CCNI: variants seen among roughly 807,000 people sequenced by gnomAD.
CCNI encodes cyclin I.
Under a neutral mutation model 34.1 loss-of-function variants are expected in CCNI, and 14 were observed. The ratio of observed to expected loss-of-function variants is 0.41; its 90% CI spans 0.27 to 0.64. The LOEUF is 0.64. CCNI is among the 30% of genes least tolerant of loss of function. The pLI is 0.31. For missense variants in CCNI, 385 were observed against 440.5 expected (o/e 0.87, Z 1.13); for synonymous variants, 154 against 158.4 (o/e 0.97, Z 0.21).
rs1162592015 is a variant in CCNI at position 77,067,668 on chromosome 4, T to G, written c.-43-1263A>C. Among the ~76,000 whole-genome samples, 16 of 79,190 alleles carry G rather than the reference T, an allele frequency of 2.0e-4. No homozygotes were observed. In the South Asian group the frequency reaches 2.7e-3, roughly 13 times the overall value. The allele number at this position is 79,190 out of a possible 152,430, so 52.0% of individuals were successfully genotyped here. A position where few individuals can be genotyped will look rare whatever the true frequency, so the allele number is the denominator to read the frequency against. The stretch of plus-strand genomic sequence containing the variant: ...ACCAAGCCCAGGTAATTTTGTGGGG[T>G]TTTTTTTTTTTTTTGTAGAGATGCA... On this transcript the variant is annotated intron_variant, in intron 1 of 6. Transcript: ENST00000237654.
At position 77,048,303 on chromosome 4, in the gene CCNI, C is replaced by A; in HGVS notation, c.1050G>T (p.Val350=). Residue 350 remains valine (V), a synonymous_variant, in exon 7 of 7, where the codon GTG becomes GTT. Coordinates refer to ENST00000237654, the MANE Select transcript of CCNI (RefSeq NM_006835.3). ...ATAAATCAGTGCCACACACAGAACCCACATTTTCTGAGACATTATCTTCAT... is the reference window on the plus strand; with the variant it reads ...ATAAATCAGTGCCACACACAGAACCAACATTTTCTGAGACATTATCTTCAT... ...LYNEDNVSEN[V]GSVCGTDLSR... The A allele has an allele frequency of 2.5e-6, 4 of 1,614,052 alleles. No individual in the cohort carries two copies. The highest frequency in any genetic ancestry group is 3.4e-6 in the Non-Finnish European group (4 of 1,179,992).
chr4:77,075,686 G>C lies in CCNI; in HGVS notation c.-258C>G. On this transcript the variant is annotated 5_prime_UTR_variant, in exon 1 of 7. Coordinates refer to ENST00000237654, the MANE Select transcript of CCNI (RefSeq NM_006835.3). ...TGGCGCTCGAGCGGGACGCACGGCT[G>C]CGGCCGCTGGGTCGGTCAGCGAATT... The C allele has an allele frequency of 2.1e-6, 1 of 474,980 alleles. No homozygotes were observed. Among genetic ancestry groups the C allele is most frequent in the African/African-American group, 2.1e-5 (1 of 47,602 alleles). 29.4% of individuals were successfully genotyped at this position (474,980 alleles called of 1,614,324 possible).
rs1491186585 is a variant in CCNI at position 77,063,344 on chromosome 4, T to TTA, written c.114+2904_114+2905insTA. On this transcript the variant is annotated intron_variant, in intron 2 of 6. Coordinates refer to ENST00000237654, the MANE Select transcript of CCNI (RefSeq NM_006835.3). ...GTCAGAGCAACAGTGGAAAGGGAGG[T>TTA]AAAAAAAAAAAAAAAAAAAAAAAAA... 8.2e-3 allele frequency among the ~76,000 whole-genome samples: 631 copies of TTA among 77,256 alleles called. 10 individuals are homozygous for TTA. Among genetic ancestry groups the TTA allele is most frequent in the African/African-American group, 0.029 (589 of 20,040 alleles). 50.7% of individuals were successfully genotyped at this position (77,256 alleles called of 152,430 possible). A position where few individuals can be genotyped will look rare whatever the true frequency, so the allele number is the denominator to read the frequency against.
chr4:77,067,030 G>C lies in CCNI; in HGVS notation c.-43-625C>G, dbSNP rs548147046. Among the ~76,000 whole-genome samples, 6 of 152,202 alleles carry C rather than the reference G, an allele frequency of 3.9e-5. No homozygotes were observed. In the East Asian group the frequency reaches 1.2e-3, roughly 30 times the overall value. On this transcript the variant is annotated intron_variant, in intron 1 of 6. Coordinates refer to ENST00000237654, the MANE Select transcript of CCNI (RefSeq NM_006835.3). ...GGGTGGATCACTAGGTCAGGAGTTGGAGACCAGCCTGGCCAACATGGTGAA... is the reference window on the plus strand; with the variant it reads ...GGGTGGATCACTAGGTCAGGAGTTGCAGACCAGCCTGGCCAACATGGTGAA...
chr4:77,049,077 C>G (rs533336130), intron 6 of CCNI, among the ~76,000 whole-genome samples: 2 of 136,902 alleles, frequency 1.5e-5, no homozygotes, highest in East Asian at 2.4e-4. Flanking sequence ...TACTCATAAA[C>G]ACATTCATTA....
At chr4:77,063,972 T>C (rs946219155) in intron 2 of CCNI, among the ~76,000 whole-genome samples, 1 of 152,142 alleles carries the variant, frequency 6.6e-6, no homozygotes, top group Non-Finnish European at 1.5e-5. Flanking sequence ...TTGGGTGTGG[T>C]TGCTCACGCC....
Position 77,075,584 on chromosome 4 carries a change from G to A in CCNI, c.-156C>T, listed in dbSNP as rs1438001617. The A allele has an allele frequency of 3.0e-6, 3 of 988,148 alleles. No homozygotes were observed. The highest frequency in any genetic ancestry group is 1.1e-4 in the East Asian group (1 of 8,824). The allele number at this position is 988,148 out of a possible 1,614,324, so 61.2% of individuals were successfully genotyped here. ...CACCTCATTCTCATAGGCGCGCGGA[G>A]GCGGTGCGCGCGGGACGACTCGGCC... On this transcript the variant is annotated 5_prime_UTR_variant, in exon 1 of 7. Transcript: ENST00000237654.
chr4:77,048,915 T>C (rs1305323991), intron 6 of CCNI, among the ~76,000 whole-genome samples: 1 of 150,988 alleles, frequency 6.6e-6, no homozygotes, highest in Non-Finnish European at 1.5e-5. Context: ...CAATGTATGC[T>C]GAACATTTAC....
intron 1 of CCNI, among the ~76,000 whole-genome samples, chr4:77,073,863 A>G (rs973583701): frequency 6.6e-6 from 1 of 152,238 alleles, no homozygotes; most frequent in African/African-American, 2.4e-5. Context: ...GCATATGCCT[A>G]ATAGCTTCAC....
At chr4:77,070,705 T>C (rs1181507310) in intron 1 of CCNI, among the ~76,000 whole-genome samples, 5 of 152,128 alleles carry the variant, frequency 3.3e-5, no homozygotes, top group African/African-American at 1.2e-4. Flanking sequence ...AGAAACGGAA[T>C]GTAGGCCAGG....
At chr4:77,063,730 G>GT (rs1445846269) in intron 2 of CCNI, among the ~76,000 whole-genome samples, 4 of 151,194 alleles carry the variant, frequency 2.6e-5, no homozygotes, top group Non-Finnish European at 5.9e-5. Context: ...GTCCCTGGGG[G>GT]TTACCCTGGC....
In CCNI at chr4:77,048,640, T is replaced by C. The variant is rs1727614913; in HGVS notation, c.713A>G (p.His238Arg). The C allele has an allele frequency of 6.5e-7, 1 of 1,542,818 alleles. No individual in the cohort carries two copies. Among genetic ancestry groups the C allele is most frequent in the Non-Finnish European group, 8.7e-7 (1 of 1,143,718 alleles). ...GTGATGTGCCACAAGCTCCCGACAA[T>C]GGATCAACTGGGAGCTATCCATCTG... ...KAQMDSSQLI[H>R]CRELVAHHLS... Residue 238 changes from histidine (H) to arginine (R), a missense_variant, in exon 7 of 7, where the codon CAT (histidine) becomes CGT (arginine). Transcript: ENST00000237654.
At chr4:77,069,248 C>A (rs1729278140) in intron 1 of CCNI, among the ~76,000 whole-genome samples, 1 of 152,094 alleles carries the variant, frequency 6.6e-6, no homozygotes, top group Non-Finnish European at 1.5e-5. Flanking sequence ...GAAACTCCAT[C>A]TCTATAAAAC....
chr4:77,070,018 T>G (rs957111074), intron 1 of CCNI, among the ~76,000 whole-genome samples: 7 of 122,702 alleles, frequency 5.7e-5, no homozygotes, highest in Non-Finnish European at 1.1e-4. Flanking sequence ...AATCATGGGC[T>G]TTTTTTTTTT....
chr4:77,064,585 G>GCGCGCGCGCA (rs375436623), intron 2 of CCNI: 3 of 143,034 alleles, frequency 2.1e-5, no homozygotes, highest in African/African-American at 5.3e-5. Flanking sequence ...GCGCGCGCGC[G>GCGCGCGCGCA]CACACACACA....
At chr4:77,064,133 C>T (rs955323143) in intron 2 of CCNI, among the ~76,000 whole-genome samples, 1 of 151,586 alleles carries the variant, frequency 6.6e-6, no homozygotes, top group East Asian at 2.0e-4. Flanking sequence ...ATTCCAGCTA[C>T]TTGGGAAGCT....
At chr4:77,059,479 A>T (rs1025989457) in intron 2 of CCNI, among the ~76,000 whole-genome samples, 1 of 151,744 alleles carries the variant, frequency 6.6e-6, no homozygotes, top group African/African-American at 2.4e-5. Flanking sequence ...TTAAAACAAC[A>T]ATGTTTTGTG....
At position 77,048,266 on chromosome 4, in the gene CCNI, C is replaced by G. The variant is rs759512824; in HGVS notation, c.1087G>C (p.Gly363Arg). Reference sequence around the variant, plus strand: ...AAAGGTGGACAAGGGGAAGCATGTCCCTCTTGTCTTGATAAATCAGTGCCA... The same window carrying G: ...AAAGGTGGACAAGGGGAAGCATGTCGCTCTTGTCTTGATAAATCAGTGCCA... ...VCGTDLSRQE[G>R]HASPCPPLQP... Residue 363 changes from glycine to arginine, a missense_variant, in exon 7 of 7, where the codon GGA becomes CGA. Coordinates refer to ENST00000237654, the MANE Select transcript of CCNI (RefSeq NM_006835.3). 6.2e-7 allele frequency: 1 copy of G among 1,613,908 alleles called. No individual in the cohort carries two copies. The highest frequency in any genetic ancestry group is 1.7e-5 in the Admixed American group (1 of 59,976).
chr4:77,061,570 C>T (rs1228199225), intron 2 of CCNI, among the ~76,000 whole-genome samples: 4 of 152,122 alleles, frequency 2.6e-5, no homozygotes, highest in African/African-American at 7.2e-5. Flanking sequence ...TACAACCTCC[C>T]CAGCTTTAAA....
Sources: allele counts gnomAD v4.1 joint callset (sites outside exome capture counted in the v4.1 genomes callset), GRCh38; gene constraint gnomAD v4.1.1; transcripts MANE v1.5; gene names NCBI Gene and HGNC (gene_info 2026-07-23, HGNC 2026-07-21).